The following CFHR5 variants were observed in gnomAD, a reference collection of about 807,000 sequenced individuals.
CFHR5 encodes complement factor H-related protein 5.
Under a neutral mutation model 62.9 loss-of-function variants are expected in CFHR5, and 73 were observed. That is an observed-to-expected ratio of 1.16 (90% CI 0.96 to 1.41). The LOEUF is 1.41. Ranked by LOEUF, CFHR5 falls within the 40% of genes most tolerant of loss-of-function variation. The pLI is 0.00. For missense variants in CFHR5, 779 were observed against 679.9 expected, an observed-to-expected ratio of 1.15 and a Z score of -1.62; for synonymous variants, 249 against 227.2, an observed-to-expected ratio of 1.10 and a Z score of -0.86.
rs1369931217 is a variant in CFHR5, at chr1:197,002,586, A to T, written c.1252A>T (p.Lys418Ter). The part of the protein sequence containing the change: ...QDGEKVAVLC[K>*]ENYLLPEAKE... ...TGGAGAAAAAGTAGCTGTTCTCTGT[A>T]AAGAAAACTATCTACTTCCAGAAGC... The change falls in exon 8 of 10, where the codon AAA (lysine) becomes TAA (stop). Residue 418 changes from lysine (K) to a stop codon, truncating the protein, a stop_gained. Coordinates refer to ENST00000256785, the MANE Select transcript of CFHR5 (RefSeq NM_030787.4). LOFTEE classifies it high-confidence loss of function. The T allele has an allele frequency of 6.2e-7, 1 of 1,613,148 alleles. No homozygotes were observed. The highest frequency in any genetic ancestry group is 1.3e-5 in the African/African-American group (1 of 75,002).
intron 4 of CFHR5, 54 bp downstream of exon 4, chr1:196,994,310 C>G (rs1653933173): frequency 5.1e-6 from 7 of 1,359,876 alleles, no homozygotes; most frequent in Non-Finnish European, 7.4e-6. Context: ...TATAATAATG[C>G]CCATATATTT....
In CFHR5 at chr1:196,996,989, C is replaced by T. The variant is rs376094767; in HGVS notation, c.970+788C>T. ...TACTTGCAGGTATTTTTTTTCCCGA[C>T]ACCCTCAGATCCTGGCCTCTTTTGT... is the stretch of plus-strand genomic sequence containing the variant. On this transcript the variant is annotated intron_variant, in intron 6 of 9. Transcript: ENST00000256785. Among the ~76,000 whole-genome samples, 3 of 151,872 alleles carry T rather than the reference C, an allele frequency of 2.0e-5. No individual in the cohort carries two copies. The East Asian group carries it at 5.8e-4, about 29-fold the overall frequency.
Position 196,990,604 on chromosome 1 carries a change from G to T in CFHR5, c.431-3476G>T, listed in dbSNP as rs181243753. Among the ~76,000 whole-genome samples the T allele has an allele frequency of 4.9e-3, 752 of 152,248 alleles. 7 individuals carry two copies. Among genetic ancestry groups the T allele is most frequent in the Middle Eastern group, 0.02 (6 of 294 alleles). On this transcript the variant is annotated intron_variant, in intron 3 of 9. Transcript: ENST00000256785. ...CTCTCAGCATTTGCTTGTCTGTAAA[G>T]GATTTTAATTCTTCTTCACTTATGA...
intron 3 of CFHR5, among the ~76,000 whole-genome samples, chr1:196,990,437 C>T (rs144816896): frequency 0.014 from 2,064 of 152,078 alleles, 45 homozygotes; most frequent in African/African-American, 0.045. Flanking sequence ...TTATTTTGCC[C>T]GTTAGTTGAT....
chr1:196,982,386 C>T (rs1653565181), intron 1 of CFHR5, among the ~76,000 whole-genome samples: 1 of 152,102 alleles, frequency 6.6e-6, no homozygotes, highest in Non-Finnish European at 1.5e-5. Flanking sequence ...ACAATGACCT[C>T]GTCGGTCCGG....
At chr1:196,983,868 A>G in intron 2 of CFHR5, 93 bp from the exon 3 acceptor site, 1 of 800,258 alleles carries the variant, frequency 1.2e-6, no homozygotes, top group South Asian at 1.6e-5. Flanking sequence ...ACATGATGTC[A>G]GTTTTCAAAG....
rs1197086157 is a variant in CFHR5 at position 196,983,920 on chromosome 1, G to A, written c.254-41G>A. On this transcript the variant is annotated intron_variant, in intron 2 of 9. Transcript: ENST00000256785. ...AAATATTTTTAAATGCACTTTTTTT[G>A]CTACTTCCATCTTGTACATTAATCA... 2.9e-6 allele frequency: 4 copies of A among 1,382,700 alleles called. 1 individual carries two copies. The allele number at this position is 1,382,700 out of a possible 1,614,324, so 85.7% of individuals were successfully genotyped here.
chr1:196,999,683 G>GTATATATATATATATATA (rs35191504), intron 7 of CFHR5, among the ~76,000 whole-genome samples: 15 of 110,630 alleles, frequency 1.4e-4, no homozygotes, highest in East Asian at 4.3e-4. Context: ...TTGGGAAAAA[G>GTATATATATATATATATA]TATATATATA....
At chr1:196,987,395 GTTGCCA>G (rs567518872) in intron 3 of CFHR5, among the ~76,000 whole-genome samples, 103 of 152,204 alleles carry the variant, frequency 6.8e-4, no homozygotes, top group Non-Finnish European at 1.1e-3. Flanking sequence ...TTTGGCTTTT[GTTGCCA>G]TTGCTTTTTG....
chr1:196,989,729 G>A (rs1426250215), intron 3 of CFHR5, among the ~76,000 whole-genome samples: 3 of 152,158 alleles, frequency 2.0e-5, no homozygotes, highest in Non-Finnish European at 4.4e-5. Flanking sequence ...ACTGTGGTAT[G>A]AGAGACAGTT....
Position 197,008,724 on chromosome 1 carries a change from T to C in CFHR5, c.*41T>C, listed in dbSNP as rs369204442. 3.9e-6 allele frequency: 6 copies of C among 1,526,312 alleles called. No homozygotes were observed. Among genetic ancestry groups the C allele is most frequent in the Non-Finnish European group, 5.5e-6 (6 of 1,100,842 alleles). The allele number at this position is 1,526,312 out of a possible 1,614,324, so 94.5% of individuals were successfully genotyped here. A position where few individuals can be genotyped will look rare whatever the true frequency, so the allele number is the denominator to read the frequency against. On this transcript the variant is annotated 3_prime_UTR_variant, in exon 10 of 10. Coordinates refer to ENST00000256785, the MANE Select transcript of CFHR5 (RefSeq NM_030787.4). The stretch of plus-strand genomic sequence containing the variant: ...CCTGAATATATTCTTCAAACATCCA[T>C]CTATGCTAAAAGTAGCCATTATGTA...
At chr1:196,983,750 A>G (rs1220254188) in intron 2 of CFHR5, among the ~76,000 whole-genome samples, 1 of 152,210 alleles carries the variant, frequency 6.6e-6, no homozygotes, top group African/African-American at 2.4e-5. Context: ...TAAAAACCAT[A>G]CAGCAACAAC....
At position 196,988,381 on chromosome 1, in the gene CFHR5, C is replaced by T. The variant is rs1653752070; in HGVS notation, c.430+4244C>T. On this transcript the variant is annotated intron_variant, in intron 3 of 9. Coordinates refer to ENST00000256785, the MANE Select transcript of CFHR5 (RefSeq NM_030787.4). Reference sequence around the variant, plus strand: ...TTGATTTCTTTCTCCTGCCTGATTGCCCTGGCCAGAACTTCCAACACTATG... The same window carrying T: ...TTGATTTCTTTCTCCTGCCTGATTGTCCTGGCCAGAACTTCCAACACTATG... Among the ~76,000 whole-genome samples, 4 of 152,118 alleles carry T rather than the reference C, an allele frequency of 2.6e-5. No individual in the cohort carries two copies. The South Asian group carries it at 8.3e-4, about 31-fold the overall frequency.
chr1:196,980,553 G>A (rs1163229559), intron 1 of CFHR5, among the ~76,000 whole-genome samples: 6 of 151,684 alleles, frequency 4.0e-5, no homozygotes, highest in Non-Finnish European at 5.9e-5. Flanking sequence ...TGACCAAAAC[G>A]TCATTATGTG....
chr1:197,008,769 C>T lies in CFHR5; in HGVS notation c.*86C>T. ...TATGTAGCCAATTCTGTAGTTACTT[C>T]TTTTATTCTTTCAGGTGTTGTTTAA... On this transcript the variant is annotated 3_prime_UTR_variant, in exon 10 of 10. Coordinates refer to ENST00000256785, the MANE Select transcript of CFHR5 (RefSeq NM_030787.4). The T allele has an allele frequency of 9.2e-7, 1 of 1,082,070 alleles. No homozygotes were observed. Among genetic ancestry groups the T allele is most frequent in the Non-Finnish European group, 1.4e-6 (1 of 706,282 alleles). The allele number at this position is 1,082,070 out of a possible 1,614,324, so 67.0% of individuals were successfully genotyped here. A position where few individuals can be genotyped will look rare whatever the true frequency, so the allele number is the denominator to read the frequency against.
chr1:197,007,531 G>T (rs1219843968), intron 9 of CFHR5, among the ~76,000 whole-genome samples: 1 of 151,390 alleles, frequency 6.6e-6, no homozygotes, highest in Non-Finnish European at 1.5e-5. Context: ...TAAAGACTTG[G>T]CAAGGATGTG....
At chr1:197,004,405 G>A (rs1400269485) in intron 8 of CFHR5, among the ~76,000 whole-genome samples, 1 of 152,030 alleles carries the variant, frequency 6.6e-6, no homozygotes, top group Non-Finnish European at 1.5e-5. Flanking sequence ...AAGGGGTGGA[G>A]GAGGAACCTA....
chr1:196,994,073 T>C lies in CFHR5; in HGVS notation c.431-7T>C, dbSNP rs1363820530. The C allele has an allele frequency of 6.2e-7, 1 of 1,606,264 alleles. No individual in the cohort carries two copies. Among genetic ancestry groups the C allele is most frequent in the Admixed American group, 1.7e-5 (1 of 59,972 alleles). On this transcript the variant is annotated splice_region_variant and splice_polypyrimidine_tract_variant and intron_variant, in intron 3 of 9. Coordinates refer to ENST00000256785, the MANE Select transcript of CFHR5 (RefSeq NM_030787.4). ...ATTCACATATGTTCATTTAATTTTA[T>C]TTTTAGAAGGAGAATGTCATGTTCC...
At chr1:197,000,659 G>A (rs1318414824) in intron 7 of CFHR5, among the ~76,000 whole-genome samples, 1 of 152,148 alleles carries the variant, frequency 6.6e-6, no homozygotes, top group Non-Finnish European at 1.5e-5. Flanking sequence ...ACATCTAGGA[G>A]GCTCATAGCA....
Sources: allele counts gnomAD v4.1 joint callset (sites outside exome capture counted in the v4.1 genomes callset), GRCh38; gene constraint gnomAD v4.1.1; transcripts MANE v1.5; gene names NCBI Gene and HGNC (gene_info 2026-07-23, HGNC 2026-07-21).